Variants in RALYL observed in about 807,000 individuals in gnomAD.
RALYL encodes RALY RNA binding protein like.
A neutral mutation model predicts 35.1 loss-of-function variants in RALYL; 29 were observed. The ratio of observed to expected loss-of-function variants is 0.83; its 90% confidence interval spans 0.61 to 1.13. The LOEUF (loss-of-function observed/expected upper bound fraction) is 1.13, where lower values mean the gene tolerates loss of function less well. Among genes scored for constraint, RALYL ranks in the 50% most tolerant of loss-of-function variants. The probability of loss-of-function intolerance (pLI) is 0.00; values close to 1 mark genes in which losing one functional copy is unlikely to be tolerated. For synonymous variants in RALYL, 120 were observed against 127.6 expected (o/e 0.94, Z 0.40); for missense variants, 359 against 360.4 (o/e 1.00, Z 0.03).
At chr8:84,548,588 G>A (rs2060513115) in intron 2 of RALYL, among the ~76,000 whole-genome samples, 1 of 151,946 alleles carries the variant, frequency 6.6e-6, no homozygotes, top group Admixed American at 6.6e-5. Flanking sequence ...ATCTATTCCT[G>A]TTGTACATCT....
intron 2 of RALYL, among the ~76,000 whole-genome samples, chr8:84,671,575 T>C (rs1026165203): frequency 1.3e-5 from 2 of 152,204 alleles, no homozygotes; most frequent in African/African-American, 4.8e-5. Flanking sequence ...AATTCCTGAC[T>C]TCTGTGCACT....
intron 1 of RALYL, among the ~76,000 whole-genome samples, chr8:84,303,967 T>C (rs1173334098): frequency 1.3e-5 from 2 of 152,062 alleles, no homozygotes; most frequent in Non-Finnish European, 2.9e-5. Context: ...TGGACTTCTA[T>C]TGATAAAATA....
intron 1 of RALYL, among the ~76,000 whole-genome samples, chr8:84,261,595 A>G (rs979670663): frequency 1.3e-5 from 2 of 152,178 alleles, no homozygotes; most frequent in Non-Finnish European, 2.9e-5. Flanking sequence ...CGTTCTTTAT[A>G]GCAGCATGAG....
intron 1 of RALYL, among the ~76,000 whole-genome samples, chr8:84,283,123 A>G (rs932967578): frequency 4.6e-5 from 7 of 152,166 alleles, no homozygotes; most frequent in Non-Finnish European, 8.8e-5. Flanking sequence ...AAAGAATAAC[A>G]TAATGATATG....
At chr8:84,701,204 A>AG (rs1840124938) in intron 2 of RALYL, among the ~76,000 whole-genome samples, 1 of 152,186 alleles carries the variant, frequency 6.6e-6, no homozygotes, top group African/African-American at 2.4e-5. Context: ...GAGTTGAGAT[A>AG]TCACTTCCTA....
At position 84,468,359 on chromosome 8, in the gene RALYL, C is replaced by T. The variant is rs1215618213; in HGVS notation, c.-23-60940C>T. Among the ~76,000 whole-genome samples, 3 of 151,852 alleles carry T rather than the reference C, an allele frequency of 2.0e-5. 1 individual carries two copies. The South Asian group carries it at 6.3e-4, about 32-fold the overall frequency. On this transcript the variant is annotated intron_variant, in intron 1 of 8. Transcript: ENST00000521268. ...GCCTGGTGGTGACAAAATCTCTCAGCATTTGCTTGTCTGTAAAGTATTTTA... is the reference window on the plus strand; with the variant it reads ...GCCTGGTGGTGACAAAATCTCTCAGTATTTGCTTGTCTGTAAAGTATTTTA...
chr8:84,423,936 C>A (rs1444258252), intron 1 of RALYL, among the ~76,000 whole-genome samples: 1 of 151,792 alleles, frequency 6.6e-6, no homozygotes, highest in Non-Finnish European at 1.5e-5. Flanking sequence ...GTCTGATGGG[C>A]TTCCCTTTGA....
At chr8:84,346,073 A>G (rs1338035061) in intron 1 of RALYL, 1 of 984,166 alleles carries the variant, frequency 1.0e-6, no homozygotes, top group African/African-American at 1.7e-5. Flanking sequence ...TTGGTTGCTT[A>G]TATGTTTTCA....
Position 84,420,434 on chromosome 8 carries a change from T to A in RALYL, c.-23-108865T>A, listed in dbSNP as rs193251374. ...TACATTTGTTTGAGTTCATTGTAGATTCTGGATATTAGCCCTATGTCAGAT... is the reference window on the plus strand; with the variant it reads ...TACATTTGTTTGAGTTCATTGTAGAATCTGGATATTAGCCCTATGTCAGAT... On this transcript the variant is annotated intron_variant, in intron 1 of 8. Coordinates refer to ENST00000521268, the MANE Select transcript of RALYL (RefSeq NM_173848.7). 8.8e-3 allele frequency among the ~76,000 whole-genome samples: 1,336 copies of A among 152,024 alleles called. 34 individuals are homozygous for A. The highest frequency in any genetic ancestry group is 0.03 in the African/African-American group (1,243 of 41,310).
chr8:84,405,310 A>G (rs1422150240), intron 1 of RALYL, among the ~76,000 whole-genome samples: 1 of 152,208 alleles, frequency 6.6e-6, no homozygotes, highest in Admixed American at 6.5e-5. Flanking sequence ...CTAGAGAAGC[A>G]AGAGTAAACA....
intron 2 of RALYL, among the ~76,000 whole-genome samples, chr8:84,675,552 T>C (rs1308003308): frequency 6.6e-6 from 1 of 152,202 alleles, no homozygotes; most frequent in Non-Finnish European, 1.5e-5. Context: ...TTTTAGGAGT[T>C]GATTTTTGAC....
At chr8:84,628,957 C>CA (rs1188110292) in intron 2 of RALYL, among the ~76,000 whole-genome samples, 1 of 151,840 alleles carries the variant, frequency 6.6e-6, no homozygotes, top group Non-Finnish European at 1.5e-5. Context: ...GGCATAGATA[C>CA]AAAAAATAAC....
At chr8:84,802,327 G>A (rs955431702) in intron 3 of RALYL, among the ~76,000 whole-genome samples, 11 of 152,180 alleles carry the variant, frequency 7.2e-5, no homozygotes, top group East Asian at 1.9e-4. Context: ...ATCAGAGGGT[G>A]AGCAGGATTT....
chr8:84,257,507 T>C (rs1047516431), intron 1 of RALYL, among the ~76,000 whole-genome samples: 6 of 152,240 alleles, frequency 3.9e-5, no homozygotes, highest in Middle Eastern at 6.8e-3. Flanking sequence ...AAATACCAGG[T>C]GCAGCCATAA....
chr8:84,347,284 T>C (rs1850019319), intron 1 of RALYL, among the ~76,000 whole-genome samples: 1 of 152,104 alleles, frequency 6.6e-6, no homozygotes, highest in Admixed American at 6.6e-5. Context: ...TAATAAGCCC[T>C]TGACTTCTTT....
chr8:84,704,440 C>T (rs1363430764), intron 2 of RALYL, among the ~76,000 whole-genome samples: 3 of 137,040 alleles, frequency 2.2e-5, no homozygotes, highest in Admixed American at 1.5e-4. Context: ...CCCCCCAATA[C>T]ACACAGACAC....
intron 1 of RALYL, among the ~76,000 whole-genome samples, chr8:84,215,071 AAT>A (rs1370010105): frequency 6.6e-6 from 1 of 151,856 alleles, no homozygotes; most frequent in Non-Finnish European, 1.5e-5. Flanking sequence ...GTGCCCGGCT[AAT>A]TTTTTGTATT....
intron 1 of RALYL, among the ~76,000 whole-genome samples, chr8:84,278,168 A>G (rs1835790959): frequency 6.6e-6 from 1 of 152,186 alleles, no homozygotes; most frequent in Non-Finnish European, 1.5e-5. Flanking sequence ...AGGTTCCCAA[A>G]CATCAATTAT....
chr8:84,404,669 G>A (rs1375544008), intron 1 of RALYL, among the ~76,000 whole-genome samples: 1 of 152,092 alleles, frequency 6.6e-6, no homozygotes, highest in Non-Finnish European at 1.5e-5. Context: ...TTTGGTATCA[G>A]GATGATGCTA....
Sources: allele counts gnomAD v4.1 joint callset (sites outside exome capture counted in the v4.1 genomes callset), GRCh38; gene constraint gnomAD v4.1.1; transcripts MANE v1.5; gene names NCBI Gene and HGNC (gene_info 2026-07-23, HGNC 2026-07-21).